Variants in OSBPL9 observed in about 807,000 individuals in gnomAD.
The protein encoded by OSBPL9 is oxysterol binding protein like 9, also known as oxysterol-binding protein-related protein 9.
In OSBPL9, 40 loss-of-function variants were observed where a neutral mutation model predicts 106.6. The observed-to-expected ratio is 0.38, with a 90% CI of 0.29 to 0.49. OSBPL9 has a LOEUF of 0.49. Ranked by LOEUF, OSBPL9 falls within the 20% of genes least tolerant of loss-of-function variation. The pLI is 0.97. For synonymous variants in OSBPL9, 269 were observed against 295.4 expected (o/e 0.91, Z 0.92); for missense variants, 609 against 887.2 (o/e 0.69, Z 3.98).
the OSBPL9 span, among the ~76,000 whole-genome samples, chr1:51,543,758 A>G: frequency 1.3e-5 from 2 of 152,218 alleles, no homozygotes; most frequent in Non-Finnish European, 2.9e-5. Context: ...CTCAAAGCAG[A>G]GAAGAAACTG....
chr1:51,730,085 A>G, intron 4 of OSBPL9: 1 of 1,263,154 alleles, frequency 7.9e-7, no homozygotes, highest in Non-Finnish European at 1.0e-6. Context: ...CGGAGCGCGA[A>G]TGTCGTGCTC....
chr1:51,664,103 C>T (rs1484370546), intron 2 of OSBPL9, among the ~76,000 whole-genome samples: 1 of 152,106 alleles, frequency 6.6e-6, no homozygotes, highest in Non-Finnish European at 1.5e-5. Flanking sequence ...TATCCTGTGA[C>T]CTAGCAAATT....
rs545560955 is a variant in OSBPL9 at position 51,577,534 on chromosome 1, A to G, written c.-423+278A>G. Among the ~76,000 whole-genome samples, 14 of 151,944 alleles carry G rather than the reference A, an allele frequency of 9.2e-5. No homozygotes were observed. The East Asian group carries it at 2.7e-3, about 29-fold the overall frequency. On this transcript the variant is annotated intron_variant, in intron 1 of 25. Transcript: ENST00000371714. ...GTGATCCACCCACCTAGGCCTCCCAAAGTGCTGGGATTACAGGCGTGAGCC... is the reference window on the plus strand; with the variant it reads ...GTGATCCACCCACCTAGGCCTCCCAGAGTGCTGGGATTACAGGCGTGAGCC...
At chr1:51,530,202 AAAACC>A in the OSBPL9 span, among the ~76,000 whole-genome samples, 1 of 144,764 alleles carries the variant, frequency 6.9e-6, no homozygotes, top group Non-Finnish European at 1.5e-5. Flanking sequence ...ACAAAAAAAA[AAAACC>A]TCTAAGAAGA....
the OSBPL9 span, among the ~76,000 whole-genome samples, chr1:51,564,066 A>AAAAAAAAAAAAAAAAAAAC: frequency 6.7e-6 from 1 of 148,580 alleles, no homozygotes; most frequent in Non-Finnish European, 1.5e-5. Context: ...AAAAAAAAAA[A>AAAAAAAAAAAAAAAAAAAC]AAAAGAAAGC....
chr1:51,711,325 C>G (rs1247867457), intron 3 of OSBPL9, among the ~76,000 whole-genome samples: 9 of 147,736 alleles, frequency 6.1e-5, no homozygotes, highest in African/African-American at 2.3e-4. Context: ...GGCGGCTGGC[C>G]GGGCAGGGGG....
the OSBPL9 span, chr1:51,569,864 C>T: frequency 6.6e-6 from 1 of 152,126 alleles, no homozygotes; most frequent in Non-Finnish European, 1.5e-5. Context: ...GTGCTGAAAG[C>T]TTTGCACACA....
chr1:51,746,737 AAAG>A lies in OSBPL9; in HGVS notation c.447_449del (p.Glu149del), dbSNP rs1668061678. The stretch of plus-strand genomic sequence containing the variant: ...TTTTGATGACAAGCTTCAAAACTGC[AAAG>A]AAGATGAACAGAGAAAGGTAACTTC... On this transcript the variant is annotated inframe_deletion, in exon 6 of 24. Transcript: ENST00000428468. 5 of 1,609,068 alleles carry A rather than the reference AAAG, an allele frequency of 3.1e-6. No individual in the cohort carries two copies. The highest frequency in any genetic ancestry group is 2.7e-5 in the African/African-American group (2 of 74,688).
At chr1:51,750,521 G>T (rs1669008068) in intron 8 of OSBPL9, among the ~76,000 whole-genome samples, 1 of 152,142 alleles carries the variant, frequency 6.6e-6, no homozygotes, top group Middle Eastern at 3.2e-3. Context: ...AGAAAATAGA[G>T]AAGTAAGTTC....
chr1:51,717,048 C>G lies in OSBPL9; in HGVS notation c.318+2969C>G, dbSNP rs970653067. On this transcript the variant is annotated intron_variant, in intron 4 of 23. Transcript: ENST00000428468. ...TGGCACAATCACAGCTCACTGCAACCTCTGCCTCCCCTGCTCAAGTGATCC... is the reference window on the plus strand; with the variant it reads ...TGGCACAATCACAGCTCACTGCAACGTCTGCCTCCCCTGCTCAAGTGATCC... Among the ~76,000 whole-genome samples, 7 of 152,166 alleles carry G rather than the reference C, an allele frequency of 4.6e-5. No individual in the cohort carries two copies. The East Asian group carries it at 1.4e-3, about 29-fold the overall frequency.
At chr1:51,647,336 T>C (rs1646224654) in intron 1 of OSBPL9, among the ~76,000 whole-genome samples, 2 of 152,214 alleles carry the variant, frequency 1.3e-5, no homozygotes, top group Non-Finnish European at 2.9e-5. Context: ...TAGTATTTTG[T>C]TGAGAATTTG....
chr1:51,758,837 G>T (rs1027536203), intron 9 of OSBPL9, among the ~76,000 whole-genome samples: 3 of 152,124 alleles, frequency 2.0e-5, no homozygotes, highest in African/African-American at 7.2e-5. Context: ...AAAGCGCTGT[G>T]TAAACAAGGA....
At chr1:51,752,792 C>CAA (rs1366124548) in intron 8 of OSBPL9, 3 of 277,732 alleles carry the variant, frequency 1.1e-5, no homozygotes, top group Non-Finnish European at 2.2e-5. Flanking sequence ...TCTCTTCTTA[C>CAA]AAGGACACTA....
upstream of OSBPL9, among the ~76,000 whole-genome samples, chr1:51,615,182 G>A (rs185444986): frequency 5.7e-3 from 872 of 152,290 alleles, 7 homozygotes; most frequent in Non-Finnish European, 6.5e-3. Context: ...AACTTGGGAG[G>A]TGGAGGTTGC....
chr1:51,784,835 G>T (rs1189657488), intron 20 of OSBPL9: 3 of 485,172 alleles, frequency 6.2e-6, no homozygotes, highest in Non-Finnish European at 1.1e-5. Flanking sequence ...ACTAAAAGAG[G>T]CCTTCCTAGG....
At chr1:51,559,673 C>A in the OSBPL9 span, among the ~76,000 whole-genome samples, 2 of 152,086 alleles carry the variant, frequency 1.3e-5, no homozygotes, top group Non-Finnish European at 2.9e-5. Flanking sequence ...TGATAGAACC[C>A]AGAGCAATTA....
At chr1:51,624,846 T>C (rs931112387) in intron 1 of OSBPL9, among the ~76,000 whole-genome samples, 2 of 152,232 alleles carry the variant, frequency 1.3e-5, no homozygotes, top group African/African-American at 2.4e-5. Context: ...GTACATTCTT[T>C]ATCTGTACAG....
chr1:51,721,806 T>G (rs1662178335), intron 4 of OSBPL9, among the ~76,000 whole-genome samples: 1 of 152,214 alleles, frequency 6.6e-6, no homozygotes, highest in Non-Finnish European at 1.5e-5. Context: ...AGGAAATGGT[T>G]GCAATACAGA....
At chr1:51,650,347 A>G (rs543493103) in intron 1 of OSBPL9, among the ~76,000 whole-genome samples, 6 of 152,308 alleles carry the variant, frequency 3.9e-5, no homozygotes, top group African/African-American at 9.6e-5. Context: ...TTTGCATTCT[A>G]ACCTCATCAG....
Sources: gnomAD v4.1 joint callset for allele counts (sites outside exome capture counted in the v4.1 genomes callset) on GRCh38, gnomAD v4.1.1 for gene constraint, MANE v1.5 for transcripts, NCBI Gene and HGNC (gene_info 2026-07-23, HGNC 2026-07-21) for gene names.